The following OSBPL10 variants were observed in gnomAD, a reference collection of about 807,000 sequenced individuals.
OSBPL10 encodes the protein oxysterol binding protein like 10.
OSBPL10 carries 49 observed loss-of-function variants against 81.7 expected under a neutral mutation model. The ratio of observed to expected loss-of-function variants is 0.60; its 90% CI spans 0.48 to 0.76. The LOEUF is 0.76. Among genes scored for constraint, OSBPL10 ranks in the 30% least tolerant of loss-of-function variants. The pLI is 0.00. For synonymous variants in OSBPL10, 419 were observed against 383.6 expected, an observed-to-expected ratio of 1.09 and a Z score of -1.08; for missense variants, 923 against 987.8, an observed-to-expected ratio of 0.93 and a Z score of 0.88.
chr3:31,691,803 A>G (rs1212168314), intron 7 of OSBPL10, among the ~76,000 whole-genome samples: 1 of 152,088 alleles, frequency 6.6e-6, no homozygotes, highest in Non-Finnish European at 1.5e-5. Flanking sequence ...ATTGGCAAAC[A>G]CACCCAGTGC....
intron 4 of OSBPL10, 79 bp from the exon 5 acceptor site, chr3:31,748,199 G>A (rs1016400528): frequency 4.4e-5 from 57 of 1,297,562 alleles, no homozygotes; most frequent in Non-Finnish European, 6.2e-5. Context: ...ATAAACCACA[G>A]AAGTGGGTAA....
intron 1 of OSBPL10, among the ~76,000 whole-genome samples, chr3:32,073,412 T>G (rs889308284): frequency 8.5e-5 from 13 of 152,148 alleles, no homozygotes. Flanking sequence ...GTACTCCAAC[T>G]GCCATCCACC....
chr3:32,054,096 C>T (rs1699689249), intron 1 of OSBPL10, among the ~76,000 whole-genome samples: 1 of 152,200 alleles, frequency 6.6e-6, no homozygotes, highest in African/African-American at 2.4e-5. Flanking sequence ...TATCAATGAG[C>T]AAAGCTTTCT....
At chr3:31,817,507 G>C (rs80345181) in intron 4 of OSBPL10, among the ~76,000 whole-genome samples, 1 of 151,794 alleles carries the variant, frequency 6.6e-6, no homozygotes, top group Non-Finnish European at 1.5e-5. Context: ...CTGCTCCGTG[G>C]AGCAGGAGGC....
At chr3:31,881,836 T>C (rs575673834) in intron 1 of OSBPL10, among the ~76,000 whole-genome samples, 45 of 152,346 alleles carry the variant, frequency 3.0e-4, no homozygotes, top group Non-Finnish European at 4.4e-4. Flanking sequence ...CTCTAAATTA[T>C]TCTCACAATA....
chr3:31,944,292 T>G (rs774606914), intron 1 of OSBPL10, among the ~76,000 whole-genome samples: 4 of 152,128 alleles, frequency 2.6e-5, no homozygotes, highest in Non-Finnish European at 5.9e-5. Context: ...CCAGCAAAAA[T>G]AAGCAGCTTT....
At chr3:31,667,555 G>C (rs961874302) in intron 10 of OSBPL10, among the ~76,000 whole-genome samples, 2 of 152,166 alleles carry the variant, frequency 1.3e-5, no homozygotes, top group African/African-American at 4.8e-5. Context: ...TAATAGTAAA[G>C]CTTTCATAAA....
chr3:31,956,564 C>T (rs1467237087), intron 1 of OSBPL10, among the ~76,000 whole-genome samples: 1 of 151,556 alleles, frequency 6.6e-6, no homozygotes, highest in Non-Finnish European at 1.5e-5. Flanking sequence ...ACTAAAAATA[C>T]AAAACAAAAA....
intron 7 of OSBPL10, among the ~76,000 whole-genome samples, chr3:31,684,665 A>G (rs200798613): frequency 1.5e-4 from 23 of 152,298 alleles, no homozygotes; most frequent in African/African-American, 5.1e-4. Flanking sequence ...AAGCCCCACC[A>G]TGACTGAGGA....
intron 6 of OSBPL10, chr3:31,713,738 C>T (rs1210139446): frequency 6.5e-6 from 1 of 152,706 alleles, no homozygotes; most frequent in African/African-American, 2.4e-5. Context: ...CCACAGCAAC[C>T]TTTGACCGTC....
intron 1 of OSBPL10, among the ~76,000 whole-genome samples, chr3:31,912,438 T>C (rs1696608714): frequency 6.7e-6 from 1 of 149,632 alleles, no homozygotes. Context: ...AGTCACGGGG[T>C]CGGGGGGCGG....
At chr3:31,898,838 T>A (rs1322288064) in intron 1 of OSBPL10, among the ~76,000 whole-genome samples, 1 of 151,944 alleles carries the variant, frequency 6.6e-6, no homozygotes, top group African/African-American at 2.4e-5. Flanking sequence ...TAAAGATGTT[T>A]AACTTATGGA....
At chr3:31,901,492 T>A (rs1414320247) in intron 1 of OSBPL10, among the ~76,000 whole-genome samples, 1 of 152,218 alleles carries the variant, frequency 6.6e-6, no homozygotes, top group African/African-American at 2.4e-5. Flanking sequence ...GTCTGGCTAC[T>A]TCTTACTTGT....
intron 4 of OSBPL10, among the ~76,000 whole-genome samples, chr3:31,809,302 C>T (rs1053322977): frequency 1.3e-5 from 2 of 152,070 alleles, no homozygotes; most frequent in African/African-American, 4.8e-5. Flanking sequence ...TACAAGTCGC[C>T]CAATCAAGTA....
In OSBPL10 at chr3:31,740,271, T is replaced by C. The variant is rs1697299891; in HGVS notation, c.941-6860A>G. 3.3e-5 allele frequency among the ~76,000 whole-genome samples: 5 copies of C among 152,148 alleles called. No individual in the cohort carries two copies. The South Asian group carries it at 1.0e-3, about 32-fold the overall frequency. On this transcript the variant is annotated intron_variant, in intron 5 of 11. Transcript: ENST00000396556. ...ATTGGCCAGGCTGGTCTCGAACTCC[T>C]GACCTTGTGATCCACCCGCCTCGGC...
intron 4 of OSBPL10, among the ~76,000 whole-genome samples, chr3:31,749,906 C>A (rs1212794947): frequency 1.3e-5 from 2 of 151,740 alleles, no homozygotes; most frequent in Admixed American, 6.6e-5. Flanking sequence ...CCAGGCCGGG[C>A]ATGGTGGCTC....
At chr3:31,816,122 G>A (rs1559478010) in intron 4 of OSBPL10, among the ~76,000 whole-genome samples, 1 of 152,142 alleles carries the variant, frequency 6.6e-6, no homozygotes, top group Non-Finnish European at 1.5e-5. Flanking sequence ...GTCTGCCCCA[G>A]TTGCTGAATC....
chr3:32,034,512 G>T (rs1699500909), intron 2 of OSBPL10, among the ~76,000 whole-genome samples: 1 of 150,948 alleles, frequency 6.6e-6, no homozygotes, highest in East Asian at 1.9e-4. Flanking sequence ...AGACTTCCTA[G>T]AAAAGTTGTC....
intron 1 of OSBPL10, among the ~76,000 whole-genome samples, chr3:31,925,219 C>A (rs540465843): frequency 2.0e-5 from 3 of 152,166 alleles, no homozygotes; most frequent in African/African-American, 7.2e-5. Context: ...CTCTTCCTAA[C>A]ACACTCCCTT....
Sources: allele counts gnomAD v4.1 joint callset (sites outside exome capture counted in the v4.1 genomes callset), GRCh38; gene constraint gnomAD v4.1.1; transcripts MANE v1.5; gene names NCBI Gene and HGNC (gene_info 2026-07-23, HGNC 2026-07-21).